The following QTGAL variants were observed in gnomAD, a reference collection of about 807,000 sequenced individuals.
QTGAL encodes queuosine-tRNA galactosyltransferase.
chr17:82,948,102 C>T, the QTGAL span: 1 of 152,212 alleles, frequency 6.6e-6, no homozygotes, highest in African/African-American at 2.4e-5. Context: ...TCCTACAGGT[C>T]AGGAGAGACG....
chr17:82,961,201 G>A, the QTGAL span: 1 of 1,601,456 alleles, frequency 6.2e-7, no homozygotes, highest in Non-Finnish European at 8.5e-7. Flanking sequence ...GGGAGAAGCA[G>A]AGGCATCACT....
At chr17:83,001,632 G>C in the QTGAL span, among the ~76,000 whole-genome samples, 1 of 152,214 alleles carries the variant, frequency 6.6e-6, no homozygotes, top group Admixed American at 6.5e-5. Flanking sequence ...GCCCCTCTAG[G>C]TGCTGGGTGT....
the QTGAL span, among the ~76,000 whole-genome samples, chr17:83,024,185 G>T: frequency 6.6e-6 from 1 of 152,240 alleles, no homozygotes; most frequent in Non-Finnish European, 1.5e-5. Flanking sequence ...TCAGGCAGCA[G>T]AGCAGCCCTC....
chr17:83,017,227 G>A, the QTGAL span, among the ~76,000 whole-genome samples: 2 of 152,154 alleles, frequency 1.3e-5, no homozygotes, highest in Non-Finnish European at 2.9e-5. Flanking sequence ...TTGGTTAAAG[G>A]GCACAAAACT....
At chr17:82,975,526 A>G in the QTGAL span, among the ~76,000 whole-genome samples, 2 of 8,198 alleles carry the variant, frequency 2.4e-4, no homozygotes, top group Non-Finnish European at 2.0e-4. Context: ...GCCACTATGG[A>G]GAGTCAGGGC....
the QTGAL span, among the ~76,000 whole-genome samples, chr17:82,989,296 G>A: frequency 6.6e-6 from 1 of 151,908 alleles, no homozygotes; most frequent in Non-Finnish European, 1.5e-5. Context: ...GCTGAACAAT[G>A]AGAACATATG....
chr17:82,977,828 C>T, the QTGAL span, among the ~76,000 whole-genome samples: 19 of 152,298 alleles, frequency 1.2e-4, no homozygotes, highest in African/African-American at 4.6e-4. Flanking sequence ...TCACGCTGCC[C>T]ATGTCACACA....
At chr17:83,013,365 G>T in the QTGAL span, among the ~76,000 whole-genome samples, 1 of 57,692 alleles carries the variant, frequency 1.7e-5, no homozygotes, top group African/African-American at 7.2e-5. Context: ...CACCCCCAGC[G>T]CACCAGCCCT....
At chr17:83,045,287 T>C in the QTGAL span, among the ~76,000 whole-genome samples, 2 of 152,232 alleles carry the variant, frequency 1.3e-5, no homozygotes, top group African/African-American at 4.8e-5. Flanking sequence ...TCCATACGTT[T>C]ATGGTTAATG....
At chr17:82,960,717 C>A in the QTGAL span, among the ~76,000 whole-genome samples, 1 of 152,226 alleles carries the variant, frequency 6.6e-6, no homozygotes, top group Non-Finnish European at 1.5e-5. Flanking sequence ...GGCCTGTGGT[C>A]CCCGCCGGAC....
chr17:83,023,701 T>C, the QTGAL span, among the ~76,000 whole-genome samples: 3 of 152,216 alleles, frequency 2.0e-5, no homozygotes, highest in Non-Finnish European at 4.4e-5. Flanking sequence ...CGTGGCCTCG[T>C]GTCCCCTTTC....
chr17:83,000,182 C>T, the QTGAL span, among the ~76,000 whole-genome samples: 257 of 152,170 alleles, frequency 1.7e-3, no homozygotes, highest in African/African-American at 5.8e-3. Context: ...AGGCTGGTCT[C>T]GAACTCCTGA....
the QTGAL span, chr17:83,035,230 A>T: frequency 2.8e-6 from 2 of 704,788 alleles, no homozygotes; most frequent in African/African-American, 3.7e-5. Context: ...CCCAGGCTGG[A>T]GTGCAGTGGC....
chr17:82,970,577 G>A, the QTGAL span, among the ~76,000 whole-genome samples: 71 of 134,570 alleles, frequency 5.3e-4, 5 homozygotes, highest in Non-Finnish European at 7.9e-4. Flanking sequence ...CGCACCCGGC[G>A]TGGCCGCGAC....
At chr17:83,035,107 A>G in the QTGAL span, 2 of 1,610,072 alleles carry the variant, frequency 1.2e-6, no homozygotes, top group Non-Finnish European at 1.7e-6. Context: ...CGACTGTGGA[A>G]AAAAGAAGAG....
the QTGAL span, among the ~76,000 whole-genome samples, chr17:83,031,985 A>G: frequency 1.1e-4 from 17 of 152,320 alleles, 1 homozygote; most frequent in African/African-American, 4.1e-4. Context: ...CAGCCTCACA[A>G]CATCTGCAGA....
chr17:82,974,657 T>A, the QTGAL span, among the ~76,000 whole-genome samples: 1 of 152,092 alleles, frequency 6.6e-6, no homozygotes, highest in South Asian at 2.1e-4. Flanking sequence ...AATCAGCACA[T>A]TCACCCCCCA....
the QTGAL span, chr17:82,960,981 A>G: frequency 1.3e-6 from 2 of 1,518,042 alleles, no homozygotes; most frequent in Non-Finnish European, 1.8e-6. Context: ...GGCCCCACCA[A>G]CCCCGGCCCC....
chr17:82,997,927 A>AT, the QTGAL span, among the ~76,000 whole-genome samples: 2,707 of 110,834 alleles, frequency 0.024, 41 homozygotes, highest in African/African-American at 0.053. Context: ...GTTTAAAAAA[A>AT]AAAATATATA....
Sources: allele counts gnomAD v4.1 joint callset (sites outside exome capture counted in the v4.1 genomes callset), GRCh38; gene constraint gnomAD v4.1.1; transcripts MANE v1.5; gene names NCBI Gene and HGNC (gene_info 2026-07-23, HGNC 2026-07-21).